The following VPS13D variants were observed in gnomAD, a reference collection of about 807,000 sequenced individuals.
VPS13D encodes the protein intermembrane lipid transfer protein VPS13D.
VPS13D carries 187 observed loss-of-function variants against 461.9 expected under a neutral mutation model. That is an observed-to-expected ratio of 0.40 (90% CI 0.36 to 0.46). VPS13D has a LOEUF of 0.46. Among genes scored for constraint, VPS13D ranks in the 20% least tolerant of loss-of-function variants. The probability of loss-of-function intolerance (pLI) is 0.60; values close to 1 mark genes in which losing one functional copy is unlikely to be tolerated. For synonymous variants in VPS13D, 1,951 were observed against 1,986.3 expected (o/e 0.98, Z 0.47); for missense variants, 4,711 against 5,364.9 (o/e 0.88, Z 3.81).
chr1:12,496,748 GACA>G (rs888809604), intron 67 of VPS13D, among the ~76,000 whole-genome samples: 6 of 152,356 alleles, frequency 3.9e-5, no homozygotes, highest in African/African-American at 9.6e-5. Context: ...TGTGGAAAAA[GACA>G]ACATCAGCCT....
At chr1:12,252,271 A>T (rs1484689762) in intron 6 of VPS13D, among the ~76,000 whole-genome samples, 1 of 152,118 alleles carries the variant, frequency 6.6e-6, no homozygotes, top group East Asian at 1.9e-4. Context: ...TAACATTCCA[A>T]GCTACTTTTC....
rs375937968 is a variant in VPS13D, at chr1:12,389,343, G to A, written c.11634+3009G>A. 5.9e-5 allele frequency among the ~76,000 whole-genome samples: 9 copies of A among 152,230 alleles called. 1 individual carries two copies. The highest frequency in any genetic ancestry group is 3.9e-4 in the Admixed American group (6 of 15,286). On this transcript the variant is annotated intron_variant, in intron 60 of 69. Coordinates refer to ENST00000620676, the MANE Select transcript of VPS13D (RefSeq NM_015378.4). ...TTCAATCCAATCAAGTTGACACTCA[G>A]TATTAACCATCACAAGTCCACCCTT...
intron 46 of VPS13D, among the ~76,000 whole-genome samples, chr1:12,350,668 T>G (rs555526912): frequency 1.3e-5 from 2 of 152,178 alleles, no homozygotes; most frequent in South Asian, 4.2e-4. Context: ...CCTTCAGAAG[T>G]TAGTTAAAGA....
chr1:12,319,642 A>G lies in VPS13D; in HGVS notation c.7548+12A>G, dbSNP rs775280212. On this transcript the variant is annotated intron_variant, in intron 32 of 69. Coordinates refer to ENST00000620676, the MANE Select transcript of VPS13D (RefSeq NM_015378.4). ...TGTTTGGCATTGAGGTAAGAAGTCT[A>G]TGTGTTGATCACAGCACTGCGTGTT... 6 of 1,614,210 alleles carry G rather than the reference A, an allele frequency of 3.7e-6. No homozygotes were observed. In the African/African-American group the frequency reaches 4.0e-5, roughly 11 times the overall value.
At chr1:12,479,058 G>A (rs1645675868) in intron 67 of VPS13D, among the ~76,000 whole-genome samples, 1 of 152,218 alleles carries the variant, frequency 6.6e-6, no homozygotes, top group Non-Finnish European at 1.5e-5. Context: ...AGTTCTCACT[G>A]TCCGAGGCCG....
chr1:12,410,018 CTTTTGG>C, intron 63 of VPS13D: 1 of 421,030 alleles, frequency 2.4e-6, no homozygotes, highest in Non-Finnish European at 4.7e-6. Context: ...GCAAGTAAAG[CTTTTGG>C]CAGTCTCATG....
Position 12,257,925 on chromosome 1 carries a change from A to T in VPS13D, c.942-10A>T. 5 of 1,614,102 alleles carry T rather than the reference A, an allele frequency of 3.1e-6. No individual in the cohort carries two copies. The highest frequency in any genetic ancestry group is 4.2e-6 in the Non-Finnish European group (5 of 1,179,986). ...GTAAGAAGTGATTACATCGTTATGG[A>T]CTATTTCAGCTGCCGAGAATGGTGG... On this transcript the variant is annotated splice_polypyrimidine_tract_variant and intron_variant, in intron 9 of 69. Coordinates refer to ENST00000620676, the MANE Select transcript of VPS13D (RefSeq NM_015378.4).
At chr1:12,431,023 C>T (rs1350783839) in intron 65 of VPS13D, among the ~76,000 whole-genome samples, 4 of 152,202 alleles carry the variant, frequency 2.6e-5, no homozygotes, top group African/African-American at 4.8e-5. Context: ...GGACTAAACA[C>T]AGGAAGAATT....
chr1:12,237,429 G>A (rs1424850869), intron 2 of VPS13D, among the ~76,000 whole-genome samples: 2 of 151,676 alleles, frequency 1.3e-5, no homozygotes, highest in East Asian at 1.9e-4. Flanking sequence ...AGAGGTTGAG[G>A]TTGCATTGAG....
At chr1:12,348,999 G>A (rs1643737605) in intron 45 of VPS13D, 26 bp downstream of exon 45, 2 of 1,613,684 alleles carry the variant, frequency 1.2e-6, no homozygotes, top group Non-Finnish European at 8.5e-7. Context: ...CTAGCATATA[G>A]TAAATGCTGA....
chr1:12,235,066 A>G (rs1290048712), intron 2 of VPS13D, among the ~76,000 whole-genome samples: 2 of 152,206 alleles, frequency 1.3e-5, no homozygotes, highest in Admixed American at 1.3e-4. Context: ...TGCTCAGCTC[A>G]AAATGGAGCT....
chr1:12,323,017 T>C (rs902906799), intron 34 of VPS13D, among the ~76,000 whole-genome samples: 7 of 152,254 alleles, frequency 4.6e-5, no homozygotes, highest in Non-Finnish European at 1.0e-4. Flanking sequence ...TTGAGAGTTC[T>C]CCTCTGAAAT....
intron 38 of VPS13D, among the ~76,000 whole-genome samples, chr1:12,334,933 C>G (rs936590670): frequency 6.6e-6 from 1 of 152,172 alleles, no homozygotes; most frequent in Non-Finnish European, 1.5e-5. Context: ...GCCAAGTGTT[C>G]TAATTGAAAA....
intron 2 of VPS13D, among the ~76,000 whole-genome samples, chr1:12,242,273 G>A (rs946878552): frequency 6.6e-6 from 1 of 152,176 alleles, no homozygotes; most frequent in African/African-American, 2.4e-5. Context: ...CACATGATAA[G>A]CCTGTTCTAG....
chr1:12,292,962 T>C (rs1319044192), intron 23 of VPS13D, among the ~76,000 whole-genome samples: 1 of 152,206 alleles, frequency 6.6e-6, no homozygotes, highest in African/African-American at 2.4e-5. Context: ...GTTGGTTGAC[T>C]GTGTCCTATT....
chr1:12,259,319 A>T (rs235245), intron 10 of VPS13D, among the ~76,000 whole-genome samples: 33,867 of 136,990 alleles, frequency 0.25, 7,228 homozygotes, highest in African/African-American at 0.59. Context: ...TACTCTTTTT[A>T]TTTTTTTTTT....
At chr1:12,455,940 A>G in intron 65 of VPS13D, 58 bp from the exon 66 acceptor site, 2 of 1,534,058 alleles carry the variant, frequency 1.3e-6, no homozygotes, top group Non-Finnish European at 1.7e-6. Context: ...AAGTAATTCA[A>G]ATAGTAAAAA....
chr1:12,235,953 C>T (rs1429615280), intron 2 of VPS13D, among the ~76,000 whole-genome samples: 5 of 152,220 alleles, frequency 3.3e-5, no homozygotes, highest in African/African-American at 1.2e-4. Context: ...AATCATGTGG[C>T]AAGAGCATTT....
chr1:12,478,350 T>C (rs1482106251), intron 67 of VPS13D, among the ~76,000 whole-genome samples: 1 of 152,240 alleles, frequency 6.6e-6, no homozygotes, highest in African/African-American at 2.4e-5. Context: ...GGAGATAATA[T>C]GAGCCTTCGT....
Sources: gnomAD v4.1 joint callset for allele counts (sites outside exome capture counted in the v4.1 genomes callset) on GRCh38, gnomAD v4.1.1 for gene constraint, MANE v1.5 for transcripts, NCBI Gene and HGNC (gene_info 2026-07-23, HGNC 2026-07-21) for gene names.